The following POU6F2 variants were observed in gnomAD, a reference collection of about 807,000 sequenced individuals.
POU6F2 encodes the protein POU class 6 homeobox 2, also known as POU domain, class 6, transcription factor 2.
POU6F2 carries 31 observed loss-of-function variants against 71.3 expected under a neutral mutation model. That is an observed-to-expected ratio of 0.43 (90% CI 0.33 to 0.59). The LOEUF is 0.59. POU6F2 is among the 20% of genes least tolerant of loss of function. The probability of loss-of-function intolerance (pLI) is 0.04; values close to 1 mark genes in which losing one functional copy is unlikely to be tolerated. For synonymous variants in POU6F2, 347 were observed against 355.7 expected, an observed-to-expected ratio of 0.98 and a Z score of 0.27; for missense variants, 783 against 856.8, an observed-to-expected ratio of 0.91 and a Z score of 1.07.
intron 4 of POU6F2, among the ~76,000 whole-genome samples, chr7:39,289,778 G>A (rs377460545): frequency 2.6e-5 from 4 of 152,142 alleles, no homozygotes; most frequent in Non-Finnish European, 4.4e-5. Flanking sequence ...AGTATAGCAC[G>A]CAGGTCATTT....
At chr7:39,263,673 G>A (rs200839443) in intron 4 of POU6F2, among the ~76,000 whole-genome samples, 11 of 149,556 alleles carry the variant, frequency 7.4e-5, no homozygotes, top group African/African-American at 1.8e-4. Context: ...GCACACACAC[G>A]CACACACACA....
intron 2 of POU6F2, among the ~76,000 whole-genome samples, chr7:39,173,899 G>A (rs1378276438): frequency 6.6e-6 from 1 of 152,202 alleles, no homozygotes; most frequent in Non-Finnish European, 1.5e-5. Context: ...GTTTGCAAGG[G>A]TTACTTAGTG....
In POU6F2 at chr7:39,464,674, A is replaced by C. The variant is rs140193353; in HGVS notation, c.2151A>C (p.Glu717Asp). The C allele has an allele frequency of 6.2e-7, 1 of 1,602,720 alleles. No individual in the cohort carries two copies. The highest frequency in any genetic ancestry group is 8.5e-7 in the Non-Finnish European group (1 of 1,175,532). ...TGGAGCCCTTAACAGACTCTCTGGA[A>C]GAAAACTCCTAAAGAGATGCCCACC... ...VPLEPLTDSL[E>D]ENS The change falls in exon 10 of 10, where the codon GAA (glutamate) becomes GAC (aspartate). Residue 717 changes from glutamate (E) to aspartate (D), a missense_variant. Physicochemically the swap from Glu to Asp is conservative, Grantham distance 45. Transcript: ENST00000518318. This position sits in a 1 kb window ranked among gnomAD's most constrained non-coding sequence, Gnocchi z 4.1.
chr7:39,076,447 G>A (rs970642050), intron 1 of POU6F2, among the ~76,000 whole-genome samples: 30 of 152,180 alleles, frequency 2.0e-4, no homozygotes, highest in African/African-American at 6.5e-4. Flanking sequence ...GCAAACCCTC[G>A]TGGCACGCAT....
At chr7:39,023,806 G>A (rs576490254) in intron 1 of POU6F2, among the ~76,000 whole-genome samples, 9 of 152,118 alleles carry the variant, frequency 5.9e-5, no homozygotes, top group African/African-American at 1.9e-4. Flanking sequence ...TTAAGCCTGA[G>A]AAGTAGGCAT....
chr7:39,015,693 TATATTATATATATCTATGTTATATAGAG>T (rs1187697235), intron 1 of POU6F2, among the ~76,000 whole-genome samples: 2 of 100,442 alleles, frequency 2.0e-5, no homozygotes, highest in African/African-American at 8.0e-5. Context: ...TATATATCTA[TATATTATATATATCTATGTTATATAGAG>T]ATATATAACA....
intron 4 of POU6F2, among the ~76,000 whole-genome samples, chr7:39,330,855 C>T (rs1053562306): frequency 6.6e-6 from 1 of 152,206 alleles, no homozygotes; most frequent in African/African-American, 2.4e-5. Flanking sequence ...AGTCACCCTA[C>T]TGTGCAACAG....
At chr7:39,388,271 AT>A (rs1156801327) in intron 5 of POU6F2, among the ~76,000 whole-genome samples, 2 of 152,140 alleles carry the variant, frequency 1.3e-5, no homozygotes, top group Non-Finnish European at 2.9e-5. Context: ...CCTTGCTTCC[AT>A]TGTTTGAATG....
At chr7:39,312,331 A>G (rs1583516244) in intron 4 of POU6F2, among the ~76,000 whole-genome samples, 1 of 152,344 alleles carries the variant, frequency 6.6e-6, no homozygotes, top group East Asian at 1.9e-4. Flanking sequence ...TCAGGCATGC[A>G]GGTGTCAAAA....
At chr7:39,149,139 T>G (rs1360568410) in intron 2 of POU6F2, among the ~76,000 whole-genome samples, 7 of 152,166 alleles carry the variant, frequency 4.6e-5, no homozygotes, top group Admixed American at 4.6e-4. Flanking sequence ...GAGTTCTGGA[T>G]GATGTGGTGC....
intron 4 of POU6F2, among the ~76,000 whole-genome samples, chr7:39,297,236 C>T (rs182411410): frequency 2.0e-5 from 3 of 148,974 alleles, no homozygotes; most frequent in South Asian, 4.3e-4. Flanking sequence ...CACACACACA[C>T]ATGAATTCAC....
intron 4 of POU6F2, among the ~76,000 whole-genome samples, chr7:39,256,845 C>G (rs1363686313): frequency 1.3e-5 from 2 of 152,136 alleles, no homozygotes; most frequent in Non-Finnish European, 2.9e-5. Context: ...ACAGATTCTC[C>G]TATAGAGCCT....
intron 2 of POU6F2, among the ~76,000 whole-genome samples, chr7:39,099,269 C>A (rs1291983017): frequency 6.6e-6 from 1 of 152,166 alleles, no homozygotes; most frequent in Non-Finnish European, 1.5e-5. Flanking sequence ...GTTATGAAGC[C>A]AGATGTCTGT....
chr7:39,212,794 C>T (rs1794170033), intron 4 of POU6F2, among the ~76,000 whole-genome samples: 1 of 152,214 alleles, frequency 6.6e-6, no homozygotes, highest in African/African-American at 2.4e-5. Flanking sequence ...GATAGCTGTA[C>T]TAAAGATGTG....
intron 1 of POU6F2, among the ~76,000 whole-genome samples, chr7:39,069,370 GCCCAGGC>G (rs1790826692): frequency 6.6e-6 from 1 of 152,216 alleles, no homozygotes; most frequent in South Asian, 2.1e-4. Flanking sequence ...CCGGGCTGAT[GCCCAGGC>G]TGTGAGGAAG....
intron 1 of POU6F2, among the ~76,000 whole-genome samples, chr7:39,047,432 T>C (rs1281320458): frequency 6.6e-6 from 1 of 151,938 alleles, no homozygotes; most frequent in African/African-American, 2.4e-5. Flanking sequence ...TCTTACACTT[T>C]GTTAGATTCA....
In POU6F2 at chr7:39,466,388, A is replaced by G. The variant is rs1407848325; in HGVS notation, c.*1702A>G. ...TGCAGGTGAGCACTTGGCAGCTGCC[A>G]CTGGTGTTTTCACCCAGGTACAGGC... On this transcript the variant is annotated 3_prime_UTR_variant, in exon 10 of 10. Coordinates refer to ENST00000518318, the MANE Select transcript of POU6F2 (RefSeq NM_001370959.1). 6.6e-6 allele frequency: 1 copy of G among 152,292 alleles called. No homozygotes were observed. The highest frequency in any genetic ancestry group is 2.4e-5 in the African/African-American group (1 of 41,472). 9.4% of individuals were successfully genotyped at this position (152,292 alleles called of 1,614,324 possible).
chr7:39,437,302 T>C (rs1213118008), intron 7 of POU6F2, among the ~76,000 whole-genome samples: 2 of 152,196 alleles, frequency 1.3e-5, no homozygotes, highest in African/African-American at 2.4e-5. Flanking sequence ...TTTCAGAACT[T>C]GTTATTGGTC....
intron 1 of POU6F2, among the ~76,000 whole-genome samples, chr7:39,007,796 G>A (rs1425229563): frequency 3.3e-5 from 5 of 151,090 alleles, no homozygotes; most frequent in East Asian, 1.9e-4. Context: ...TTGTTCTTGC[G>A]ATAGTTTACT....
Sources: allele counts gnomAD v4.1 joint callset (sites outside exome capture counted in the v4.1 genomes callset), GRCh38; gene constraint gnomAD v4.1.1; non-coding constraint Gnocchi (gnomAD v3.1); transcripts MANE v1.5; gene names NCBI Gene and HGNC (gene_info 2026-07-23, HGNC 2026-07-21).